The following HGD variants were observed in gnomAD, a reference collection of about 807,000 sequenced individuals.
HGD encodes the protein homogentisate oxidase.
HGD carries 61 observed loss-of-function variants against 60.8 expected under a neutral mutation model. The ratio of observed to expected loss-of-function variants is 1.00; its 90% confidence interval spans 0.82 to 1.24. HGD has a LOEUF of 1.24. HGD is among the 50% of genes most tolerant of loss of function. The probability of loss-of-function intolerance (pLI) is 0.00; values close to 1 mark genes in which losing one functional copy is unlikely to be tolerated. For missense variants in HGD, 542 were observed against 547.1 expected, an observed-to-expected ratio of 0.99 and a Z score of 0.09; for synonymous variants, 212 against 187.7, an observed-to-expected ratio of 1.13 and a Z score of -1.06.
intron 4 of HGD, among the ~76,000 whole-genome samples, chr3:120,669,267 C>CA (rs541407522): frequency 0.067 from 9,756 of 146,206 alleles, 924 homozygotes; most frequent in African/African-American, 0.22. Flanking sequence ...AGATTAAAAA[C>CA]AAAAAAAAAA....
At chr3:120,669,760 C>A (rs1273304462) in intron 4 of HGD, among the ~76,000 whole-genome samples, 1 of 152,198 alleles carries the variant, frequency 6.6e-6, no homozygotes, top group African/African-American at 2.4e-5. Context: ...GCACTGGAAT[C>A]TCTCAGAACC....
intron 4 of HGD, among the ~76,000 whole-genome samples, chr3:120,663,153 A>T (rs147684399): frequency 6.6e-6 from 1 of 152,010 alleles, no homozygotes; most frequent in Non-Finnish European, 1.5e-5. Flanking sequence ...AACAATACAG[A>T]GGGGAAGGGG....
chr3:120,675,066 G>A, intron 2 of HGD, 77 bp from the exon 3 acceptor site: 1 of 930,696 alleles, frequency 1.1e-6, no homozygotes, highest in Non-Finnish European at 1.8e-6. Context: ...AACTCAGTAG[G>A]GGGATGGGGA....
intron 12 of HGD, among the ~76,000 whole-genome samples, chr3:120,636,757 T>C (rs576372492): frequency 2.0e-5 from 3 of 152,258 alleles, no homozygotes; most frequent in South Asian, 4.2e-4. Flanking sequence ...GACCATGGAG[T>C]GGCCTACGTC....
chr3:120,645,666 C>A (rs1941134425), intron 9 of HGD, among the ~76,000 whole-genome samples: 1 of 151,970 alleles, frequency 6.6e-6, no homozygotes, highest in Admixed American at 6.6e-5. Flanking sequence ...GTGGGGTGTA[C>A]ACAGAGGTTC....
intron 10 of HGD, among the ~76,000 whole-genome samples, chr3:120,642,988 C>T (rs1941036865): frequency 6.6e-6 from 1 of 152,208 alleles, no homozygotes; most frequent in Non-Finnish European, 1.5e-5. Flanking sequence ...GGAGGAGCTA[C>T]TGGCTGCTTC....
chr3:120,634,670 T>C (rs1011188160), intron 12 of HGD, among the ~76,000 whole-genome samples: 7 of 152,224 alleles, frequency 4.6e-5, no homozygotes, highest in Admixed American at 1.3e-4. Flanking sequence ...AAGGACAGAA[T>C]AGAGAGATGT....
chr3:120,674,328 C>T (rs1035451824), intron 3 of HGD, among the ~76,000 whole-genome samples: 2 of 152,154 alleles, frequency 1.3e-5, no homozygotes, highest in Non-Finnish European at 1.5e-5. Flanking sequence ...AGGATTAGAG[C>T]AAACATGGAA....
chr3:120,638,709 C>A (rs1940865386), intron 11 of HGD, 128 bp from the exon 12 acceptor site: 3 of 1,109,680 alleles, frequency 2.7e-6, no homozygotes, highest in Admixed American at 4.0e-5. Flanking sequence ...TTTTATTCAA[C>A]TTTTAATTTA....
In HGD at chr3:120,674,909, A is replaced by G. The variant is rs773277281; in HGVS notation, c.168T>C (p.Asn56=). 6 of 1,606,054 alleles carry G rather than the reference A, an allele frequency of 3.7e-6. No homozygotes were observed. The highest frequency in any genetic ancestry group is 5.1e-6 in the Non-Finnish European group (6 of 1,173,056). ...GSAFTCPRST[N]KRSWLYRILP... The stretch of plus-strand genomic sequence containing the variant: ...TCATCTAATCCTTGTACCTTCTCTT[A>G]TTGGTGCTCCGTGGACAAGTGAAAG... The change falls in exon 3 of 14, where the codon AAT becomes AAC. Residue 56 remains asparagine, a synonymous_variant. Transcript: ENST00000283871.
intron 4 of HGD, among the ~76,000 whole-genome samples, chr3:120,663,941 A>AT (rs3841757): frequency 3.3e-5 from 5 of 151,506 alleles, no homozygotes; most frequent in Admixed American, 6.6e-5. Context: ...TATGTAACTG[A>AT]TTTTTTTTTT....
Position 120,670,527 on chromosome 3 carries a change from A to G in HGD, c.182T>C (p.Leu61Pro), listed in dbSNP as rs1324654414. ...AGAAACTGAAGGTAGAATCCTATAC[A>G]GCCAGCTAGAGGGAAAAACATACAA... ...CPRSTNKRSW[L>P]YRILPSVSHK... The change falls in exon 4 of 14, where the codon CTG becomes CCG. Residue 61 changes from leucine (L) to proline (P), a missense_variant. Leu to Pro is a moderately conservative substitution (Grantham distance 98, BLOSUM62 -3). This residue lies in a region of HGD where 537 missense variants were observed against 529.1 expected (regional missense o/e 1.01). Coordinates refer to ENST00000283871, the MANE Select transcript of HGD (RefSeq NM_000187.4). The G allele has an allele frequency of 3.2e-6, 5 of 1,562,318 alleles. No homozygotes were observed. The highest frequency in any genetic ancestry group is 2.2e-5 in the East Asian group (1 of 44,664).
intron 1 of HGD, chr3:120,678,071 A>C (rs1168072640): frequency 6.6e-6 from 1 of 152,232 alleles, no homozygotes; most frequent in East Asian, 1.9e-4. Flanking sequence ...TTTTGCCTTC[A>C]GACTCAATAT....
chr3:120,630,831 TACACACACAC>T (rs1232070414), intron 13 of HGD, among the ~76,000 whole-genome samples: 1 of 77,060 alleles, frequency 1.3e-5, no homozygotes, highest in Non-Finnish European at 2.5e-5. Context: ...TATATACACA[TACACACACAC>T]ATACACACAC....
At chr3:120,650,493 T>C (rs1559789984) in intron 6 of HGD, among the ~76,000 whole-genome samples, 1 of 152,258 alleles carries the variant, frequency 6.6e-6, no homozygotes, top group Non-Finnish European at 1.5e-5. Context: ...TGCCTTTCGA[T>C]CTACTCCTGC....
rs541367417 is a variant in HGD at position 120,647,897 on chromosome 3, G to A, written c.449C>T (p.Ser150Leu). The A allele has an allele frequency of 6.2e-7, 1 of 1,611,894 alleles. No individual in the cohort carries two copies. Residue 150 changes from serine to leucine, a missense_variant, in exon 7 of 14, where the codon TCA becomes TTA. Coordinates refer to ENST00000283871, the MANE Select transcript of HGD (RefSeq NM_000187.4). ...CTCACCAATCAAGAAGTCCCCATCT[G>A]AATTGTAAAAGCATCTGAAACATAT... ...TSMENRCFYN[S>L]DGDFLIVPQK...
At chr3:120,633,638 G>C (rs547086636) in intron 12 of HGD, 1 of 1,303,856 alleles carries the variant, frequency 7.7e-7, no homozygotes, top group African/African-American at 1.5e-5. Flanking sequence ...TAAAATGCTA[G>C]TCATAATAGA....
intron 4 of HGD, among the ~76,000 whole-genome samples, chr3:120,653,939 A>G (rs1941417729): frequency 6.6e-6 from 1 of 152,184 alleles, no homozygotes; most frequent in African/African-American, 2.4e-5. Context: ...ACCAAGCTGT[A>G]ACAACCAAAA....
chr3:120,636,674 T>C lies in HGD; in HGVS notation c.1006+1781A>G, dbSNP rs146943325. Among the ~76,000 whole-genome samples, 15 of 152,316 alleles carry C rather than the reference T, an allele frequency of 9.8e-5. No individual in the cohort carries two copies. The East Asian group carries it at 2.9e-3, about 29-fold the overall frequency. ...TGCTATTCACAAAATAGCTGCTGTCTTTGCCATGGTAACTGATTGTTTTCT... is the reference window on the plus strand; with the variant it reads ...TGCTATTCACAAAATAGCTGCTGTCCTTGCCATGGTAACTGATTGTTTTCT... On this transcript the variant is annotated intron_variant, in intron 12 of 13. Coordinates refer to ENST00000283871, the MANE Select transcript of HGD (RefSeq NM_000187.4).
Sources: allele counts gnomAD v4.1 joint callset (sites outside exome capture counted in the v4.1 genomes callset), GRCh38; gene constraint gnomAD v4.1.1; regional missense constraint gnomAD v4.1.1; transcripts MANE v1.5; gene names NCBI Gene and HGNC (gene_info 2026-07-23, HGNC 2026-07-21).